Variants in TJP1 observed in about 807,000 individuals in gnomAD.
TJP1 encodes tight junction protein ZO-1.
TJP1 carries 43 observed loss-of-function variants against 194.2 expected under a neutral mutation model. The observed-to-expected ratio is 0.22, with a 90% CI of 0.17 to 0.29. TJP1 has a LOEUF of 0.29. TJP1 is among the 10% of genes least tolerant of loss of function. The pLI is 1.00. For missense variants in TJP1, 1,971 were observed against 2,185.7 expected (o/e 0.90, Z 1.96); for synonymous variants, 801 against 779.0 (o/e 1.03, Z -0.47).
intron 2 of TJP1, among the ~76,000 whole-genome samples, chr15:29,937,765 T>C (rs568455168): frequency 6.6e-6 from 1 of 152,318 alleles, no homozygotes; most frequent in African/African-American, 2.4e-5. Context: ...TCCTGATAAC[T>C]GAGGAGCTCC....
chr15:29,883,990 T>G (rs2053028608), intron 2 of TJP1, among the ~76,000 whole-genome samples: 1 of 152,154 alleles, frequency 6.6e-6, no homozygotes, highest in Non-Finnish European at 1.5e-5. Context: ...TCTTAGAAGG[T>G]AAAAATTCCC....
intron 2 of TJP1, among the ~76,000 whole-genome samples, chr15:29,856,749 A>T (rs1474095565): frequency 6.6e-6 from 1 of 151,942 alleles, no homozygotes; most frequent in African/African-American, 2.4e-5. Flanking sequence ...TGAGGCGGGC[A>T]GATCACGAGG....
chr15:29,843,482 C>A (rs1372309808), intron 2 of TJP1, among the ~76,000 whole-genome samples: 9 of 152,120 alleles, frequency 5.9e-5, no homozygotes, highest in Admixed American at 1.3e-4. Flanking sequence ...AGCCACCGTG[C>A]CCAGCCTACC....
At chr15:29,716,898 T>C (rs372212294) in intron 22 of TJP1, 60 bp from the exon 23 acceptor site, 23 of 1,405,308 alleles carry the variant, frequency 1.6e-5, no homozygotes, top group Non-Finnish European at 2.2e-5. Context: ...ATGAAGGAAG[T>C]AGAATATGTA....
chr15:29,804,964 A>G (rs2049024005), intron 1 of TJP1, among the ~76,000 whole-genome samples: 1 of 152,202 alleles, frequency 6.6e-6, no homozygotes, highest in Non-Finnish European at 1.5e-5. Context: ...CCTCACCTAC[A>G]CAATTAGGGA....
intron 1 of TJP1, among the ~76,000 whole-genome samples, chr15:29,815,031 A>G (rs1440983159): frequency 6.6e-6 from 1 of 152,190 alleles, no homozygotes; most frequent in African/African-American, 2.4e-5. Flanking sequence ...AATCATTCAG[A>G]GTCCATTTAT....
At chr15:29,773,153 A>G in intron 3 of TJP1, 80 bp downstream of exon 3, 1 of 1,493,240 alleles carries the variant, frequency 6.7e-7, no homozygotes, top group East Asian at 2.3e-5. Flanking sequence ...AATCACTAAG[A>G]CAGTGTAAGA....
At chr15:29,804,159 TATAACC>T (rs2048970531) in intron 1 of TJP1, among the ~76,000 whole-genome samples, 1 of 152,176 alleles carries the variant, frequency 6.6e-6, no homozygotes, top group African/African-American at 2.4e-5. Context: ...TGGTTGTTTA[TATAACC>T]AGGCAGTACT....
In TJP1 at chr15:29,818,441, C is replaced by T. The variant is rs145817052; in HGVS notation, c.27+3561G>A. 6.9e-4 allele frequency among the ~76,000 whole-genome samples: 105 copies of T among 152,362 alleles called. 1 individual carries two copies. Among genetic ancestry groups the T allele is most frequent in the African/African-American group, 2.5e-3 (103 of 41,584 alleles). ...CTTTCTAATAATCTTAAATCAAATA[C>T]ACCAGTAAACAAAATTCTGACTGCG... On this transcript the variant is annotated intron_variant, in intron 1 of 27. Transcript: ENST00000614355.
intron 2 of TJP1, among the ~76,000 whole-genome samples, chr15:29,839,304 C>T (rs974621869): frequency 6.6e-6 from 1 of 152,018 alleles, no homozygotes; most frequent in South Asian, 2.1e-4. Flanking sequence ...GGCCTAAATT[C>T]ACCTATTGAA....
chr15:29,736,336 C>G (rs1012066035), intron 11 of TJP1, among the ~76,000 whole-genome samples: 7 of 152,054 alleles, frequency 4.6e-5, no homozygotes, highest in Non-Finnish European at 8.8e-5. Flanking sequence ...AGATGAAGAA[C>G]CAGTGGAGAG....
intron 2 of TJP1, among the ~76,000 whole-genome samples, chr15:29,890,396 C>T (rs75374495): frequency 0.091 from 13,794 of 152,198 alleles, 824 homozygotes; most frequent in Non-Finnish European, 0.13. Flanking sequence ...AAGGCTGGAG[C>T]CCAGGAAGAG....
intron 2 of TJP1, among the ~76,000 whole-genome samples, chr15:29,852,494 T>C (rs2051679969): frequency 6.6e-6 from 1 of 152,226 alleles, no homozygotes; most frequent in Admixed American, 6.5e-5. Flanking sequence ...GGATCACTTG[T>C]ACATTGCTGG....
In TJP1 at chr15:29,735,786, A is replaced by G. The variant is rs566076054; in HGVS notation, c.1408-1404T>C. ...GTAAACATCATCAGAAAGAATGACC[A>G]TATCAGATCAGATGGAAATAGGTCT... On this transcript the variant is annotated intron_variant, in intron 11 of 27. Transcript: ENST00000614355. Among the ~76,000 whole-genome samples, 6 of 152,248 alleles carry G rather than the reference A, an allele frequency of 3.9e-5. No homozygotes were observed. The South Asian group carries it at 1.2e-3, about 32-fold the overall frequency.
At chr15:29,757,610 G>A (rs1375622209) in intron 8 of TJP1, among the ~76,000 whole-genome samples, 2 of 152,066 alleles carry the variant, frequency 1.3e-5, no homozygotes, top group Non-Finnish European at 2.9e-5. Flanking sequence ...TAAGCAACTG[G>A]TACTATTTAT....
intron 19 of TJP1, 144 bp downstream of exon 19, chr15:29,720,214 A>T: frequency 9.0e-7 from 1 of 1,112,222 alleles, no homozygotes; most frequent in Non-Finnish European, 1.3e-6. Flanking sequence ...ATTTAGAATT[A>T]AGCCCTTGGT....
At chr15:29,735,905 C>G (rs1448269363) in intron 11 of TJP1, among the ~76,000 whole-genome samples, 3 of 152,100 alleles carry the variant, frequency 2.0e-5, no homozygotes, top group African/African-American at 7.2e-5. Flanking sequence ...CAGGAAATTG[C>G]TAAGTGAAAA....
At chr15:29,726,094 G>A (rs1302553569) in intron 18 of TJP1, among the ~76,000 whole-genome samples, 2 of 152,160 alleles carry the variant, frequency 1.3e-5, no homozygotes, top group South Asian at 2.1e-4. Flanking sequence ...TAGCCAGACA[G>A]GGGCAGCATC....
At chr15:29,752,145 C>T (rs1272488318) in intron 8 of TJP1, among the ~76,000 whole-genome samples, 4 of 151,786 alleles carry the variant, frequency 2.6e-5, no homozygotes, top group African/African-American at 9.7e-5. Flanking sequence ...CTCTGTCACC[C>T]AGGCTGGAGT....
Sources: allele counts gnomAD v4.1 joint callset (sites outside exome capture counted in the v4.1 genomes callset), GRCh38; gene constraint gnomAD v4.1.1; transcripts MANE v1.5; gene names NCBI Gene and HGNC (gene_info 2026-07-23, HGNC 2026-07-21).